The following ROBO2 variants were observed in gnomAD, a reference collection of about 807,000 sequenced individuals.
ROBO2 encodes roundabout homolog 2.
ROBO2 carries 53 observed loss-of-function variants against 160.8 expected under a neutral mutation model. The observed-to-expected ratio is 0.33, with a 90% CI of 0.26 to 0.41. The LOEUF (loss-of-function observed/expected upper bound fraction) is 0.41. ROBO2 is among the 10% of genes least tolerant of loss of function. The pLI is 1.00. For synonymous variants in ROBO2, 664 were observed against 611.7 expected (o/e 1.09, Z -1.26); for missense variants, 1,577 against 1,722.4 (o/e 0.92, Z 1.49).
intron 2 of ROBO2, among the ~76,000 whole-genome samples, chr3:76,576,193 A>C (rs2108652299): frequency 6.6e-6 from 1 of 152,248 alleles, no homozygotes; most frequent in African/African-American, 2.4e-5. Flanking sequence ...GGTTCATGTT[A>C]ACTTTTGTTG....
At chr3:77,346,838 T>C (rs1333437124) in intron 2 of ROBO2, among the ~76,000 whole-genome samples, 1 of 152,160 alleles carries the variant, frequency 6.6e-6, no homozygotes, top group Non-Finnish European at 1.5e-5. Context: ...TTCGAATCTC[T>C]CTTAATCCCT....
At chr3:76,696,150 C>T (rs1047715453) in intron 2 of ROBO2, among the ~76,000 whole-genome samples, 1 of 152,048 alleles carries the variant, frequency 6.6e-6, no homozygotes, top group African/African-American at 2.4e-5. Flanking sequence ...TGACTTGAGG[C>T]GGGAAAGTCG....
intron 2 of ROBO2, among the ~76,000 whole-genome samples, chr3:77,429,036 A>C (rs964100560): frequency 2.0e-5 from 3 of 152,340 alleles, no homozygotes; most frequent in Admixed American, 1.3e-4. Flanking sequence ...TCAGCTAAAC[A>C]ATTACTGTAT....
chr3:77,468,756 T>C (rs2083045853), intron 2 of ROBO2, among the ~76,000 whole-genome samples: 1 of 152,236 alleles, frequency 6.6e-6, no homozygotes, highest in Admixed American at 6.5e-5. Context: ...TTATTCAACA[T>C]GCTCCAATTC....
At chr3:77,274,632 T>C (rs1324755914) in intron 2 of ROBO2, among the ~76,000 whole-genome samples, 3 of 152,128 alleles carry the variant, frequency 2.0e-5, no homozygotes, top group Non-Finnish European at 4.4e-5. Context: ...GAGTAGAGAT[T>C]GAATTACATG....
intron 1 of ROBO2, among the ~76,000 whole-genome samples, chr3:75,910,669 T>C (rs1296580527): frequency 1.3e-5 from 2 of 152,150 alleles, no homozygotes; most frequent in Non-Finnish European, 2.9e-5. Context: ...ACCATTTTCA[T>C]TGAAGTTGTT....
At chr3:75,936,303 G>A (rs72886582) in intron 1 of ROBO2, among the ~76,000 whole-genome samples, 1 of 152,118 alleles carries the variant, frequency 6.6e-6, no homozygotes, top group Non-Finnish European at 1.5e-5. Flanking sequence ...ACTTCTGGGT[G>A]ACTGGATTCC....
rs531016969 is a variant in ROBO2 at position 76,184,041 on chromosome 3, C to G, written c.109+246439C>G. Reference sequence around the variant, plus strand: ...TACTTCTCAGATGTATTCAATCTTTCATTTGTGTGTGTCCCCATATCTGTC... The same window carrying G: ...TACTTCTCAGATGTATTCAATCTTTGATTTGTGTGTGTCCCCATATCTGTC... On this transcript the variant is annotated intron_variant, in intron 2 of 26. Transcript: ENST00000487694. 7.9e-5 allele frequency among the ~76,000 whole-genome samples: 12 copies of G among 152,220 alleles called. No homozygotes were observed. In the East Asian group the frequency reaches 1.4e-3, roughly 17 times the overall value.
intron 2 of ROBO2, among the ~76,000 whole-genome samples, chr3:77,274,840 C>G (rs1383543105): frequency 1.3e-5 from 2 of 151,994 alleles, no homozygotes; most frequent in African/African-American, 2.4e-5. Context: ...TAACATAGTC[C>G]ATGAACACCA....
chr3:75,915,275 A>G (rs534282387), intron 1 of ROBO2, among the ~76,000 whole-genome samples: 91 of 152,318 alleles, frequency 6.0e-4, no homozygotes, highest in African/African-American at 2.1e-3. Context: ...GGTCTTTTTC[A>G]ATCAAAGACT....
At chr3:77,358,906 AG>A (rs2069521251) in intron 2 of ROBO2, among the ~76,000 whole-genome samples, 1 of 152,204 alleles carries the variant, frequency 6.6e-6, no homozygotes, top group Non-Finnish European at 1.5e-5. Flanking sequence ...TAGGTCTGCA[AG>A]ATGAGCACAG....
At chr3:77,398,987 G>A (rs890177141) in intron 2 of ROBO2, among the ~76,000 whole-genome samples, 2 of 152,072 alleles carry the variant, frequency 1.3e-5, no homozygotes, top group Admixed American at 6.6e-5. Context: ...TACAGTCAAG[G>A]TCCTGTTTCA....
At chr3:76,826,541 G>A (rs2066602468) in intron 2 of ROBO2, among the ~76,000 whole-genome samples, 1 of 152,082 alleles carries the variant, frequency 6.6e-6, no homozygotes, top group Non-Finnish European at 1.5e-5. Flanking sequence ...TGGTGAGCTT[G>A]GGAGGTATGG....
At chr3:77,562,190 T>C (rs2093343708) in intron 9 of ROBO2, among the ~76,000 whole-genome samples, 2 of 152,178 alleles carry the variant, frequency 1.3e-5, no homozygotes, top group African/African-American at 4.8e-5. Context: ...GTCTTATTGC[T>C]TATTTACTCG....
At chr3:76,006,112 ATATT>A (rs1004494705) in intron 2 of ROBO2, among the ~76,000 whole-genome samples, 4 of 152,108 alleles carry the variant, frequency 2.6e-5, no homozygotes, top group African/African-American at 9.7e-5. Context: ...TACAGAGGTA[ATATT>A]TATTTATTCA....
At chr3:77,415,264 C>T (rs1197310470) in intron 2 of ROBO2, among the ~76,000 whole-genome samples, 1 of 152,130 alleles carries the variant, frequency 6.6e-6, no homozygotes, top group African/African-American at 2.4e-5. Context: ...GAAGAAGAGA[C>T]AGGAGTTAAG....
chr3:76,553,186 GTCTT>G (rs2083514632), intron 2 of ROBO2, among the ~76,000 whole-genome samples: 1 of 152,186 alleles, frequency 6.6e-6, no homozygotes, highest in African/African-American at 2.4e-5. Context: ...TTTGGAAACA[GTCTT>G]TCAGGGATTG....
intron 2 of ROBO2, among the ~76,000 whole-genome samples, chr3:76,588,300 G>A (rs1353843464): frequency 6.6e-6 from 1 of 152,112 alleles, no homozygotes; most frequent in Non-Finnish European, 1.5e-5. Flanking sequence ...TTCAAGGCCA[G>A]GATGAAGAGA....
chr3:76,464,345 G>GT (rs546706952), intron 2 of ROBO2, among the ~76,000 whole-genome samples: 86 of 152,218 alleles, frequency 5.6e-4, no homozygotes, highest in African/African-American at 1.9e-3. Context: ...CGTTTCCCAG[G>GT]TTTTTTATCT....
Sources: allele counts gnomAD v4.1 joint callset (sites outside exome capture counted in the v4.1 genomes callset), GRCh38; gene constraint gnomAD v4.1.1; transcripts MANE v1.5; gene names NCBI Gene and HGNC (gene_info 2026-07-23, HGNC 2026-07-21).